CACHD1: variants seen among roughly 807,000 people sequenced by gnomAD.
CACHD1 encodes the protein VWFA and cache domain-containing protein 1.
Under a neutral mutation model 138.7 loss-of-function variants are expected in CACHD1, and 71 were observed. That is an observed-to-expected ratio of 0.51 (90% CI 0.42 to 0.62). The LOEUF (loss-of-function observed/expected upper bound fraction) is 0.62. CACHD1 is among the 20% of genes least tolerant of loss of function. The probability of loss-of-function intolerance (pLI) is 0.00; values close to 1 mark genes in which losing one functional copy is unlikely to be tolerated. For missense variants in CACHD1, 1,389 were observed against 1,625.3 expected (o/e 0.85, Z 2.50); for synonymous variants, 578 against 591.5 (o/e 0.98, Z 0.33).
Position 64,530,933 on chromosome 1 carries a change from G to GTTT in CACHD1, c.199-19649_199-19647dup, listed in dbSNP as rs369893062. Among the ~76,000 whole-genome samples, 51 of 130,158 alleles carry GTTT rather than the reference G, an allele frequency of 3.9e-4. 2 individuals carry two copies. The highest frequency in any genetic ancestry group is 5.2e-4 in the Non-Finnish European group (33 of 63,182). The allele number at this position is 130,158 out of a possible 152,430, so 85.4% of individuals were successfully genotyped here. On this transcript the variant is annotated intron_variant, in intron 1 of 26. Transcript: ENST00000651257. ...TCAACATTCCATCGTGTTTTTTTTT[G>GTTT]TTTTTTTTTTTTTTAGAAGGAAGAA...
chr1:64,584,348 C>G (rs1418868986), intron 3 of CACHD1, among the ~76,000 whole-genome samples: 1 of 152,108 alleles, frequency 6.6e-6, no homozygotes. Context: ...GGTTGAAAAA[C>G]CCTGGCTTAG....
intron 1 of CACHD1, among the ~76,000 whole-genome samples, chr1:64,481,139 T>G (rs77381316): frequency 1.3e-5 from 2 of 152,286 alleles, no homozygotes; most frequent in East Asian, 3.9e-4. Flanking sequence ...ATGGTCCATA[T>G]TTCTCTGGAT....
intron 1 of CACHD1, among the ~76,000 whole-genome samples, chr1:64,477,933 C>G (rs940353450): frequency 2.0e-5 from 3 of 152,036 alleles, no homozygotes; most frequent in Admixed American, 1.3e-4. Flanking sequence ...CGCGCCCGGC[C>G]CCCCCAGATT....
chr1:64,649,917 A>G (rs181958667), intron 9 of CACHD1, among the ~76,000 whole-genome samples: 1 of 152,270 alleles, frequency 6.6e-6, no homozygotes, highest in Admixed American at 6.5e-5. Flanking sequence ...TTGTGTTTTC[A>G]GTCCCTAGAA....
At chr1:64,542,558 A>G (rs927457975) in intron 1 of CACHD1, among the ~76,000 whole-genome samples, 4 of 152,042 alleles carry the variant, frequency 2.6e-5, no homozygotes, top group Admixed American at 2.6e-4. Context: ...GAGTTTGACA[A>G]CTCTGAAAAA....
At chr1:64,605,888 G>A (rs1647321247) in intron 4 of CACHD1, among the ~76,000 whole-genome samples, 1 of 152,100 alleles carries the variant, frequency 6.6e-6, no homozygotes, top group African/African-American at 2.4e-5. Context: ...TCCAGGTTAT[G>A]GACTTTAGCT....
At chr1:64,603,922 C>G (rs1011988463) in intron 4 of CACHD1, among the ~76,000 whole-genome samples, 1 of 152,178 alleles carries the variant, frequency 6.6e-6, no homozygotes, top group African/African-American at 2.4e-5. Flanking sequence ...CATCTCCAAT[C>G]CTCAGATTTT....
intron 3 of CACHD1, among the ~76,000 whole-genome samples, chr1:64,594,278 G>T (rs1283537271): frequency 2.7e-5 from 4 of 150,468 alleles, no homozygotes; most frequent in Non-Finnish European, 4.4e-5. Flanking sequence ...AAGAAAGAAA[G>T]GTTATGGCAG....
chr1:64,529,443 G>A (rs572628226), intron 1 of CACHD1, among the ~76,000 whole-genome samples: 9 of 152,036 alleles, frequency 5.9e-5, no homozygotes, highest in Non-Finnish European at 1.0e-4. Flanking sequence ...AATCTACAAC[G>A]GAGAGCTCAA....
At chr1:64,522,504 T>C (rs1330990946) in intron 1 of CACHD1, among the ~76,000 whole-genome samples, 2 of 152,050 alleles carry the variant, frequency 1.3e-5, no homozygotes, top group African/African-American at 4.8e-5. Context: ...GATGGGATTT[T>C]ACCATGTTAG....
chr1:64,542,371 G>A (rs1296747801), intron 1 of CACHD1, among the ~76,000 whole-genome samples: 1 of 152,014 alleles, frequency 6.6e-6, no homozygotes, highest in African/African-American at 2.4e-5. Context: ...CAGTAACTAA[G>A]CATTTCCCTT....
At chr1:64,543,774 A>G (rs945437887) in intron 1 of CACHD1, among the ~76,000 whole-genome samples, 3 of 150,252 alleles carry the variant, frequency 2.0e-5, no homozygotes, top group African/African-American at 7.3e-5. Context: ...GTAAAAGATT[A>G]TTCATGGGGT....
At chr1:64,566,553 C>T (rs1646884289) in intron 2 of CACHD1, among the ~76,000 whole-genome samples, 1 of 145,476 alleles carries the variant, frequency 6.9e-6, no homozygotes, top group African/African-American at 2.4e-5. Flanking sequence ...ACTCTGTCCT[C>T]CTCACTCCTT....
At chr1:64,650,474 T>C (rs1266545180) in intron 9 of CACHD1, among the ~76,000 whole-genome samples, 1 of 152,206 alleles carries the variant, frequency 6.6e-6, no homozygotes, top group Non-Finnish European at 1.5e-5. Flanking sequence ...CTTAAATACA[T>C]GTTATTTTTA....
chr1:64,639,827 T>C (rs1648645439), intron 7 of CACHD1, among the ~76,000 whole-genome samples: 1 of 152,248 alleles, frequency 6.6e-6, no homozygotes, highest in Non-Finnish European at 1.5e-5. Flanking sequence ...TATTGTCTCA[T>C]AGTTTCTGTA....
chr1:64,637,609 A>G (rs1219700484), intron 7 of CACHD1, among the ~76,000 whole-genome samples: 2 of 152,144 alleles, frequency 1.3e-5, no homozygotes, highest in African/African-American at 4.8e-5. Flanking sequence ...GTTTTTCTTA[A>G]TGTTGGCAAA....
At chr1:64,527,173 C>T (rs534987940) in intron 1 of CACHD1, among the ~76,000 whole-genome samples, 6 of 152,296 alleles carry the variant, frequency 3.9e-5, no homozygotes, top group Non-Finnish European at 5.9e-5. Context: ...TGCAGGACCA[C>T]GGAGCGGCAC....
At chr1:64,489,789 T>C (rs1478005496) in intron 1 of CACHD1, among the ~76,000 whole-genome samples, 1 of 152,170 alleles carries the variant, frequency 6.6e-6, no homozygotes, top group African/African-American at 2.4e-5. Context: ...ACTTCTAGAT[T>C]TGAGCAGCCA....
chr1:64,682,034 A>G lies in CACHD1; in HGVS notation c.3514A>G (p.Ile1172Val), dbSNP rs373910302. The G allele has an allele frequency of 9.3e-5, 150 of 1,614,026 alleles. No individual in the cohort carries two copies. The highest frequency in any genetic ancestry group is 1.2e-4 in the Non-Finnish European group (147 of 1,180,022). ...CAACACTCGGTTTATAGCTGCGGTC[A>G]TCGAACGACATGCACACAGTCCAGA... Reference protein sequence around the residue: ...ISNTRFIAAVIERHAHSPERR... With the variant: ...ISNTRFIAAVVERHAHSPERR... Residue 1172 changes from isoleucine to valine, a missense_variant, in exon 26 of 27, where the codon ATC becomes GTC. Physicochemically the swap from Ile to Val is conservative, Grantham distance 29 (BLOSUM62 3). This residue lies in a region of CACHD1 where 250 missense variants were observed against 292.9 expected (regional missense o/e 0.85). Transcript: ENST00000651257.
Sources: gnomAD v4.1 joint callset for allele counts (sites outside exome capture counted in the v4.1 genomes callset) on GRCh38, gnomAD v4.1.1 for gene constraint, gnomAD v4.1.1 regional missense constraint, MANE v1.5 for transcripts, NCBI Gene and HGNC (gene_info 2026-07-23, HGNC 2026-07-21) for gene names.